The following CNNM4 variants were observed in gnomAD, a reference collection of about 807,000 sequenced individuals.
CNNM4 encodes metal transporter CNNM4.
A neutral mutation model predicts 53.7 loss-of-function variants in CNNM4; 32 were observed. The observed-to-expected ratio is 0.60, with a 90% CI of 0.45 to 0.80. The LOEUF is 0.80. Among genes scored for constraint, CNNM4 ranks in the 30% least tolerant of loss-of-function variants. CNNM4 has a pLI of 0.00. For synonymous variants in CNNM4, 410 were observed against 440.0 expected, an observed-to-expected ratio of 0.93 and a Z score of 0.85; for missense variants, 784 against 1,022.0, an observed-to-expected ratio of 0.77 and a Z score of 3.17.
chr2:96,790,417 C>T (rs2079051864), intron 1 of CNNM4, among the ~76,000 whole-genome samples: 1 of 150,936 alleles, frequency 6.6e-6, no homozygotes, highest in African/African-American at 2.4e-5. Context: ...TGCAATGGCA[C>T]GATCTCGGCG....
chr2:96,805,430 T>TA (rs2153350983), intron 5 of CNNM4, among the ~76,000 whole-genome samples: 1 of 140,758 alleles, frequency 7.1e-6, no homozygotes, highest in Admixed American at 6.8e-5. Flanking sequence ...TTTTTTTTTT[T>TA]TTTTTTTTTA....
Position 96,809,809 on chromosome 2 carries a change from C to A in CNNM4, c.*292C>A. 1 of 333,486 alleles carries A rather than the reference C, an allele frequency of 3.0e-6. No homozygotes were observed. Among genetic ancestry groups the A allele is most frequent in the East Asian group, 4.9e-5 (1 of 20,458 alleles). 20.7% of individuals were successfully genotyped at this position (333,486 alleles called of 1,614,324 possible). The stretch of plus-strand genomic sequence containing the variant: ...AGGCTCATCACTTTTTTTTAAATAT[C>A]ATTTTGGGAAGGGAAGACAGGGTTA... On this transcript the variant is annotated 3_prime_UTR_variant, in exon 7 of 7. Transcript: ENST00000377075.
rs1392520866 is a variant in CNNM4 at position 96,797,419 on chromosome 2, A to G, written c.1547-94A>G. The G allele has an allele frequency of 2.6e-6, 4 of 1,550,190 alleles. No individual in the cohort carries two copies. Among genetic ancestry groups the G allele is most frequent in the African/African-American group, 2.7e-5 (2 of 73,818 alleles). ...GAGCCTGCTGCTCCTGCGTGGGACT[A>G]GGGGCTGGAGAGCAGGAGCTGCGGG... On this transcript the variant is annotated intron_variant, in intron 2 of 6. Transcript: ENST00000377075. The surrounding 1 kb of genome is among the most constrained non-coding windows in gnomAD (Gnocchi z 6.0).
At chr2:96,779,204 C>T (rs997745388) in intron 1 of CNNM4, among the ~76,000 whole-genome samples, 1 of 152,118 alleles carries the variant, frequency 6.6e-6, no homozygotes, top group Non-Finnish European at 1.5e-5. Context: ...GTGATCCGCC[C>T]GCCTCGGCCT....
Position 96,799,656 on chromosome 2 carries a change from G to C in CNNM4, c.1948+8G>C, listed in dbSNP as rs900494403. 9 of 1,547,312 alleles carry C rather than the reference G, an allele frequency of 5.8e-6. No homozygotes were observed. Among genetic ancestry groups the C allele is most frequent in the Non-Finnish European group, 7.9e-6 (9 of 1,143,138 alleles). On this transcript the variant is annotated splice_region_variant and intron_variant, in intron 5 of 6. Transcript: ENST00000377075. ...TGACCTCGGTCCCCTCCGGTGAGTTGTTGGGCATGGTCTTTGCTGCCCTTT... is the reference window on the plus strand; with the variant it reads ...TGACCTCGGTCCCCTCCGGTGAGTTCTTGGGCATGGTCTTTGCTGCCCTTT...
chr2:96,773,348 A>G (rs955376876), intron 1 of CNNM4, among the ~76,000 whole-genome samples: 1 of 152,194 alleles, frequency 6.6e-6, no homozygotes, highest in African/African-American at 2.4e-5. Flanking sequence ...GGCACTGCGT[A>G]ATCATGCTGT....
chr2:96,772,490 G>GCA (rs1180652982), intron 1 of CNNM4, among the ~76,000 whole-genome samples: 1 of 94,350 alleles, frequency 1.1e-5, no homozygotes, highest in Non-Finnish European at 2.0e-5. Context: ...ACCCATGCAC[G>GCA]CACACACACA....
Position 96,800,044 on chromosome 2 carries a change from A to C in CNNM4, c.1948+396A>C, listed in dbSNP as rs1015802586. Among the ~76,000 whole-genome samples, 9 of 152,160 alleles carry C rather than the reference A, an allele frequency of 5.9e-5. No individual in the cohort carries two copies. Among genetic ancestry groups the C allele is most frequent in the Non-Finnish European group, 1.3e-4 (9 of 68,018 alleles). ...AGTGACTGGGGTCAGGAGCCAGGCC[A>C]GGGCCTGTTTGCCAGGGCAGGCTGC... On this transcript the variant is annotated intron_variant, in intron 5 of 6. Coordinates refer to ENST00000377075, the MANE Select transcript of CNNM4 (RefSeq NM_020184.4). The surrounding 1 kb of genome is among the most constrained non-coding windows in gnomAD (Gnocchi z 4.6).
chr2:96,795,152 C>T (rs143200259), intron 1 of CNNM4, among the ~76,000 whole-genome samples: 8 of 152,384 alleles, frequency 5.2e-5, no homozygotes, highest in East Asian at 3.9e-4. Flanking sequence ...CTTTAATTCC[C>T]ATCCCCATGT....
At chr2:96,806,160 G>A (rs1447419926) in intron 5 of CNNM4, among the ~76,000 whole-genome samples, 2 of 151,748 alleles carry the variant, frequency 1.3e-5, no homozygotes, top group East Asian at 1.9e-4. Flanking sequence ...CGGACGGGGC[G>A]GCTGGCCGGG....
At chr2:96,779,179 C>T (rs1048702754) in intron 1 of CNNM4, among the ~76,000 whole-genome samples, 13 of 152,094 alleles carry the variant, frequency 8.5e-5, no homozygotes, top group Non-Finnish European at 1.8e-4. Flanking sequence ...AGGATGGTCT[C>T]GATCTCCTGA....
intron 3 of CNNM4, among the ~76,000 whole-genome samples, chr2:96,798,845 A>G (rs543718756): frequency 2.0e-5 from 3 of 152,288 alleles, no homozygotes; most frequent in East Asian, 3.9e-4. Flanking sequence ...GCCACTGTTC[A>G]AGCCCAGGCA....
chr2:96,801,246 GC>G lies in CNNM4; in HGVS notation c.1948+1600del. On this transcript the variant is annotated intron_variant, in intron 5 of 6. Transcript: ENST00000377075. The surrounding 1 kb of genome is among the most constrained non-coding windows in gnomAD (Gnocchi z 5.6). ...GACCCCCGCCTGCTCAATGTGGGCCGCCAGACCTCAGTGGCTCTGCTTGGCT... is the reference window on the plus strand; with the variant it reads ...GACCCCCGCCTGCTCAATGTGGGCCGCAGACCTCAGTGGCTCTGCTTGGCT... 3.9e-6 allele frequency: 2 copies of G among 515,584 alleles called. No individual in the cohort carries two copies. The highest frequency in any genetic ancestry group is 5.0e-6 in the Non-Finnish European group (2 of 400,364). The allele number at this position is 515,584 out of a possible 1,614,324, so 31.9% of individuals were successfully genotyped here. A position where few individuals can be genotyped will look rare whatever the true frequency, so the allele number is the denominator to read the frequency against.
At chr2:96,790,986 G>A (rs2079057621) in intron 1 of CNNM4, among the ~76,000 whole-genome samples, 1 of 151,734 alleles carries the variant, frequency 6.6e-6, no homozygotes, top group Admixed American at 6.6e-5. Context: ...TGGGCATGGT[G>A]GCCTGTGCCT....
chr2:96,773,874 G>A (rs997164505), intron 1 of CNNM4, among the ~76,000 whole-genome samples: 29 of 144,200 alleles, frequency 2.0e-4, no homozygotes, highest in Non-Finnish European at 3.4e-4. Flanking sequence ...ATTAAATATA[G>A]AAAGCTTATT....
chr2:96,780,141 C>T (rs1473327889), intron 1 of CNNM4, among the ~76,000 whole-genome samples: 2 of 152,106 alleles, frequency 1.3e-5, no homozygotes, highest in Non-Finnish European at 2.9e-5. Flanking sequence ...AATCTGTGAA[C>T]ACGATGACCT....
chr2:96,802,816 T>C (rs1339375433), intron 5 of CNNM4, among the ~76,000 whole-genome samples: 1 of 152,172 alleles, frequency 6.6e-6, no homozygotes, highest in Non-Finnish European at 1.5e-5. Context: ...CTGATGCCTG[T>C]CCGGGGAGTC....
rs1243856807 is a variant in CNNM4, at chr2:96,761,584, G to A, written c.585G>A (p.Leu195=). 6.2e-7 allele frequency: 1 copy of A among 1,614,052 alleles called. No homozygotes were observed. The highest frequency in any genetic ancestry group is 1.7e-5 in the Admixed American group (1 of 60,004). Residue 195 remains leucine (L), a synonymous_variant, in exon 1 of 7, where the codon CTG becomes CTA. Transcript: ENST00000377075. The surrounding 1 kb of genome is among the most constrained non-coding windows in gnomAD (Gnocchi z 6.0). ...HILLITVLLV[L]SGIFSGLNLG... Reference sequence around the variant, plus strand: ...TCCTAATTACGGTGCTGCTGGTGCTGTCGGGCATATTTTCTGGCCTCAACC... The same window carrying A: ...TCCTAATTACGGTGCTGCTGGTGCTATCGGGCATATTTTCTGGCCTCAACC...
At chr2:96,774,960 C>CAAA (rs56997097) in intron 1 of CNNM4, among the ~76,000 whole-genome samples, 1 of 17,690 alleles carries the variant, frequency 5.7e-5, no homozygotes, top group Non-Finnish European at 1.2e-4. Context: ...GACTCCATCT[C>CAAA]AAAAAAAAAA....
Sources: allele counts gnomAD v4.1 joint callset (sites outside exome capture counted in the v4.1 genomes callset), GRCh38; gene constraint gnomAD v4.1.1; non-coding constraint Gnocchi (gnomAD v3.1); transcripts MANE v1.5; gene names NCBI Gene and HGNC (gene_info 2026-07-23, HGNC 2026-07-21).